Variants in TAFA4 observed in about 807,000 individuals in gnomAD.
TAFA4 encodes the protein TAFA chemokine like family member 4, also known as chemokine-like protein TAFA-4.
TAFA4 carries 20 observed loss-of-function variants against 21.1 expected under a neutral mutation model. The ratio of observed to expected loss-of-function variants is 0.95; its 90% CI spans 0.67 to 1.38. The LOEUF (loss-of-function observed/expected upper bound fraction) is 1.38, where lower values mean the gene tolerates loss of function less well. TAFA4 is among the 40% of genes most tolerant of loss of function. The probability of loss-of-function intolerance (pLI) is 0.00; values close to 1 mark genes in which losing one functional copy is unlikely to be tolerated. For synonymous variants in TAFA4, 71 were observed against 67.4 expected, an observed-to-expected ratio of 1.05 and a Z score of -0.26; for missense variants, 211 against 180.9, an observed-to-expected ratio of 1.17 and a Z score of -0.95.
At chr3:68,834,709 C>T (rs1222019253) in intron 3 of TAFA4, among the ~76,000 whole-genome samples, 2 of 152,094 alleles carry the variant, frequency 1.3e-5, no homozygotes, top group South Asian at 2.1e-4. Context: ...GCCAAAAAGA[C>T]GGGCATCCTC....
At chr3:68,733,516 A>T (rs183383457) in intron 5 of TAFA4, among the ~76,000 whole-genome samples, 1 of 152,186 alleles carries the variant, frequency 6.6e-6, no homozygotes, top group African/African-American at 2.4e-5. Context: ...AAATCAGTGC[A>T]TGTCAAGATA....
intron 3 of TAFA4, among the ~76,000 whole-genome samples, chr3:68,758,505 CT>C (rs1242954389): frequency 2.0e-5 from 3 of 152,204 alleles, no homozygotes; most frequent in Non-Finnish European, 2.9e-5. Flanking sequence ...TAAGACGTGA[CT>C]TTGCTCCTCC....
chr3:68,882,841 G>A (rs1414155259), intron 2 of TAFA4: 1 of 152,186 alleles, frequency 6.6e-6, no homozygotes, highest in African/African-American at 2.4e-5. Context: ...CACTGAGGTG[G>A]AGATGGAAGG....
At chr3:68,866,100 T>C (rs2089412815) in intron 3 of TAFA4, among the ~76,000 whole-genome samples, 1 of 152,018 alleles carries the variant, frequency 6.6e-6, no homozygotes, top group Non-Finnish European at 1.5e-5. Context: ...CTGAGGGTGC[T>C]AGAAACAAAT....
chr3:68,827,201 C>A (rs1704259984), intron 3 of TAFA4, among the ~76,000 whole-genome samples: 1 of 152,024 alleles, frequency 6.6e-6, no homozygotes, highest in East Asian at 1.9e-4. Context: ...CATGTCCCTG[C>A]AAAAAACATG....
chr3:68,839,522 G>A (rs1704605899), intron 3 of TAFA4, among the ~76,000 whole-genome samples: 1 of 152,176 alleles, frequency 6.6e-6, no homozygotes, highest in South Asian at 2.1e-4. Context: ...ATGTAAATGA[G>A]AAAGATTCCA....
intron 3 of TAFA4, among the ~76,000 whole-genome samples, chr3:68,867,887 GA>G (rs143162685): frequency 6.6e-6 from 1 of 151,782 alleles, no homozygotes; most frequent in Non-Finnish European, 1.5e-5. Flanking sequence ...TATTACCAGA[GA>G]AAAAAATCAC....
At chr3:68,795,325 CA>C (rs1703436159) in intron 3 of TAFA4, among the ~76,000 whole-genome samples, 1 of 151,548 alleles carries the variant, frequency 6.6e-6, no homozygotes, top group Non-Finnish European at 1.5e-5. Context: ...GTAACACATC[CA>C]ATTTCCCTTT....
intron 3 of TAFA4, among the ~76,000 whole-genome samples, chr3:68,783,937 A>C (rs1323310972): frequency 1.3e-5 from 2 of 152,182 alleles, no homozygotes; most frequent in African/African-American, 2.4e-5. Flanking sequence ...CATTTGTCTT[A>C]AATGGAAAAA....
chr3:68,752,960 A>T lies in TAFA4; in HGVS notation c.189T>A (p.Asn63Lys), dbSNP rs1021812096. The change falls in exon 4 of 6, where the codon AAT (asparagine) becomes AAA (lysine). Residue 63 changes from asparagine (N) to lysine (K), a missense_variant. Physicochemically the swap from Asn to Lys is moderately conservative, Grantham distance 94. Transcript: ENST00000295569. ...GTGACCGCTCTTCTATGCGGTTCTT[A>T]TTGCAGCACCTGTGCACGGCGACCA... ...CEVVAVHRCC[N>K]KNRIEERSQT... 27 of 1,613,914 alleles carry T rather than the reference A, an allele frequency of 1.7e-5. No individual in the cohort carries two copies. The highest frequency in any genetic ancestry group is 2.2e-5 in the Non-Finnish European group (26 of 1,180,020).
At chr3:68,856,220 C>A (rs1297889810) in intron 3 of TAFA4, among the ~76,000 whole-genome samples, 1 of 152,128 alleles carries the variant, frequency 6.6e-6, no homozygotes, top group East Asian at 1.9e-4. Context: ...GTGGTTACCC[C>A]TGAGGAGAAA....
intron 3 of TAFA4, among the ~76,000 whole-genome samples, chr3:68,872,281 T>C (rs2089491750): frequency 6.6e-6 from 1 of 152,166 alleles, no homozygotes; most frequent in Non-Finnish European, 1.5e-5. Context: ...AAGGTCATTA[T>C]GTTAACTGAA....
At chr3:68,875,961 T>C (rs958906004) in intron 3 of TAFA4, among the ~76,000 whole-genome samples, 1 of 150,622 alleles carries the variant, frequency 6.6e-6, no homozygotes, top group Non-Finnish European at 1.5e-5. Flanking sequence ...AAATAAAACA[T>C]AAAAGAAATT....
At chr3:68,734,603 A>T (rs904883019) in intron 5 of TAFA4, among the ~76,000 whole-genome samples, 8 of 152,176 alleles carry the variant, frequency 5.3e-5, no homozygotes, top group African/African-American at 1.9e-4. Flanking sequence ...TAAGAGAAAG[A>T]GGAATCAAGG....
chr3:68,763,869 TAC>T (rs147436920), intron 3 of TAFA4, among the ~76,000 whole-genome samples: 2,781 of 147,102 alleles, frequency 0.019, 80 homozygotes, highest in African/African-American at 0.065. Context: ...TATGACAGAC[TAC>T]ACACACACAC....
intron 3 of TAFA4, among the ~76,000 whole-genome samples, chr3:68,765,172 T>C (rs952562828): frequency 1.3e-5 from 2 of 152,208 alleles, no homozygotes; most frequent in Non-Finnish European, 2.9e-5. Flanking sequence ...TGTGCATTTG[T>C]GATTTCAGCA....
intron 3 of TAFA4, among the ~76,000 whole-genome samples, chr3:68,848,956 C>T (rs943348201): frequency 1.3e-5 from 2 of 151,834 alleles, no homozygotes; most frequent in African/African-American, 2.4e-5. Flanking sequence ...ATGTACCTAG[C>T]GAGAAAAATA....
chr3:68,892,789 A>G (rs1349508933), intron 1 of TAFA4, among the ~76,000 whole-genome samples: 2 of 152,246 alleles, frequency 1.3e-5, no homozygotes, highest in East Asian at 3.8e-4. Flanking sequence ...CATTTCGTTA[A>G]TGAAGAAAAA....
At chr3:68,906,367 A>G (rs889115894) in intron 1 of TAFA4, among the ~76,000 whole-genome samples, 6 of 152,180 alleles carry the variant, frequency 3.9e-5, no homozygotes, top group African/African-American at 1.4e-4. Context: ...CTCTTGAGGG[A>G]CTCAGTATGC....
Sources: allele counts gnomAD v4.1 joint callset (sites outside exome capture counted in the v4.1 genomes callset), GRCh38; gene constraint gnomAD v4.1.1; transcripts MANE v1.5; gene names NCBI Gene and HGNC (gene_info 2026-07-23, HGNC 2026-07-21).